The following MAN1A1 variants were observed in gnomAD, a reference collection of about 807,000 sequenced individuals.
MAN1A1 encodes mannosyl-oligosaccharide 1,2-alpha-mannosidase IA.
A neutral mutation model predicts 70.8 loss-of-function variants in MAN1A1; 29 were observed. The ratio of observed to expected loss-of-function variants is 0.41; its 90% CI spans 0.31 to 0.56. The LOEUF is 0.56. Ranked by LOEUF, MAN1A1 falls within the 20% of genes least tolerant of loss-of-function variation. The pLI, the probability that MAN1A1 is intolerant of heterozygous loss-of-function variation, is 0.29. For missense variants in MAN1A1, 747 were observed against 841.3 expected, an observed-to-expected ratio of 0.89 and a Z score of 1.39; for synonymous variants, 349 against 330.1, an observed-to-expected ratio of 1.06 and a Z score of -0.62.
intron 2 of MAN1A1, among the ~76,000 whole-genome samples, chr6:119,336,614 T>C (rs1436111660): frequency 6.6e-6 from 1 of 152,176 alleles, no homozygotes; most frequent in East Asian, 1.9e-4. Flanking sequence ...GGAGAAACAA[T>C]ATGAAATTGG....
intron 11 of MAN1A1, among the ~76,000 whole-genome samples, chr6:119,181,782 T>C (rs1354899474): frequency 6.6e-6 from 1 of 152,218 alleles, no homozygotes; most frequent in Non-Finnish European, 1.5e-5. Context: ...TACTGGAAGG[T>C]GTACAGTGTG....
chr6:119,289,447 T>G (rs1353588767), intron 5 of MAN1A1, among the ~76,000 whole-genome samples: 1 of 145,016 alleles, frequency 6.9e-6, no homozygotes, highest in Non-Finnish European at 1.5e-5. Context: ...AATATAGGGT[T>G]TTAGGGTTTT....
At chr6:119,267,468 G>GC (rs1263819588) in intron 5 of MAN1A1, among the ~76,000 whole-genome samples, 1 of 152,148 alleles carries the variant, frequency 6.6e-6, no homozygotes, top group Non-Finnish European at 1.5e-5. Flanking sequence ...ATTCCACTAA[G>GC]CTTGACTTTC....
At position 119,329,319 on chromosome 6, in the gene MAN1A1, GAAGACAA is replaced by G. The variant is rs71694976; in HGVS notation, c.603+19137_603+19143del. On this transcript the variant is annotated intron_variant, in intron 2 of 12. Coordinates refer to ENST00000368468, the MANE Select transcript of MAN1A1 (RefSeq NM_005907.4). ...AGGAAAGAATAAAGCATGTATGACTGAAGACAAAAGACTAAGTAGCCCAGAGTAAGAA... is the reference window on the plus strand; with the variant it reads ...AGGAAAGAATAAAGCATGTATGACTGAAGACTAAGTAGCCCAGAGTAAGAA... Among the ~76,000 whole-genome samples, 1,460 of 152,284 alleles carry G rather than the reference GAAGACAA, an allele frequency of 9.6e-3. 17 individuals carry two copies. Among genetic ancestry groups the G allele is most frequent in the African/African-American group, 0.033 (1,388 of 41,538 alleles).
At chr6:119,187,010 C>T (rs1049118421) in intron 11 of MAN1A1, among the ~76,000 whole-genome samples, 17 of 152,128 alleles carry the variant, frequency 1.1e-4, no homozygotes, top group Admixed American at 7.9e-4. Context: ...AACACATAAA[C>T]CAACCTTATG....
At chr6:119,203,746 A>G (rs1349039819) in intron 7 of MAN1A1, among the ~76,000 whole-genome samples, 1 of 152,126 alleles carries the variant, frequency 6.6e-6, no homozygotes, top group Non-Finnish European at 1.5e-5. Context: ...CAAAGACTGG[A>G]GAAGCACGTC....
chr6:119,327,547 G>T (rs1483615855), intron 2 of MAN1A1, among the ~76,000 whole-genome samples: 2 of 151,918 alleles, frequency 1.3e-5, no homozygotes, highest in African/African-American at 2.4e-5. Flanking sequence ...GCACCACCAT[G>T]TCTGGCTAAT....
intron 7 of MAN1A1, among the ~76,000 whole-genome samples, chr6:119,202,577 A>G (rs1463286672): frequency 6.6e-6 from 1 of 152,208 alleles, no homozygotes; most frequent in Admixed American, 6.5e-5. Flanking sequence ...ACATAATTAT[A>G]TGTGCTATAC....
chr6:119,229,564 G>A (rs1774618609), intron 6 of MAN1A1, among the ~76,000 whole-genome samples: 1 of 152,130 alleles, frequency 6.6e-6, no homozygotes, highest in South Asian at 2.1e-4. Context: ...TTTCACAAAT[G>A]CAGTTGAGCT....
intron 6 of MAN1A1, among the ~76,000 whole-genome samples, chr6:119,210,444 T>C (rs17588230): frequency 0.1 from 15,622 of 152,250 alleles, 982 homozygotes; most frequent in Non-Finnish European, 0.14. Context: ...AAATCAGTCC[T>C]ACATGCTGCT....
intron 4 of MAN1A1, among the ~76,000 whole-genome samples, chr6:119,301,231 T>C (rs1489416479): frequency 4.6e-5 from 7 of 152,230 alleles, no homozygotes; most frequent in Non-Finnish European, 8.8e-5. Flanking sequence ...AAAACTTCCA[T>C]GGCCTACATG....
In MAN1A1 at chr6:119,189,864, A is replaced by G; in HGVS notation, c.1346T>C (p.Ile449Thr). Residue 449 changes from isoleucine (I) to threonine (T), a missense_variant, in exon 10 of 13, where the codon ATC becomes ACC. By Grantham distance (89) the Ile-to-Thr change is moderately conservative. Transcript: ENST00000368468. Reference protein sequence around the residue: ...DAVQAIETHLIRKSSSGLTYI... With the variant: ...DAVQAIETHLTRKSSSGLTYI... ...AGTTAGTCCGCTGCTAGACTTGCGG[A>G]TCAAATGAGTCTCGATAGCCTGTGA... The G allele has an allele frequency of 3.1e-6, 5 of 1,614,026 alleles. No individual in the cohort carries two copies. The highest frequency in any genetic ancestry group is 4.2e-6 in the Non-Finnish European group (5 of 1,179,918).
chr6:119,255,274 G>A (rs757080887), intron 5 of MAN1A1, among the ~76,000 whole-genome samples: 4 of 152,148 alleles, frequency 2.6e-5, no homozygotes, highest in Non-Finnish European at 5.9e-5. Context: ...TGCTCATGTT[G>A]AAAACTTCAC....
At chr6:119,280,587 C>T (rs1057175064) in intron 5 of MAN1A1, among the ~76,000 whole-genome samples, 7 of 152,046 alleles carry the variant, frequency 4.6e-5, no homozygotes, top group Non-Finnish European at 1.0e-4. Flanking sequence ...TTCTGCTAGC[C>T]CTATTAAATT....
At chr6:119,341,112 G>A (rs574684995) in intron 2 of MAN1A1, among the ~76,000 whole-genome samples, 1 of 152,218 alleles carries the variant, frequency 6.6e-6, no homozygotes, top group South Asian at 2.1e-4. Context: ...AGAAATGAGG[G>A]CTGTGACTTT....
At chr6:119,308,783 T>C (rs1223340664) in intron 2 of MAN1A1, among the ~76,000 whole-genome samples, 1 of 152,206 alleles carries the variant, frequency 6.6e-6, no homozygotes, top group Admixed American at 6.5e-5. Context: ...ATTTAGTAAA[T>C]TCTTCATTCC....
At position 119,285,679 on chromosome 6, in the gene MAN1A1, G is replaced by T. The variant is rs1222540564; in HGVS notation, c.897+5004C>A. Among the ~76,000 whole-genome samples the T allele has an allele frequency of 2.7e-5, 4 of 150,850 alleles. No homozygotes were observed. In the East Asian group the frequency reaches 7.8e-4, roughly 29 times the overall value. The stretch of plus-strand genomic sequence containing the variant: ...CTGGATTTAAATCTACCTAATTAGA[G>T]ATCATAATTAAAGTTCTTTCCATAT... On this transcript the variant is annotated intron_variant, in intron 5 of 12. Coordinates refer to ENST00000368468, the MANE Select transcript of MAN1A1 (RefSeq NM_005907.4).
In MAN1A1 at chr6:119,262,468, AT is replaced by A. The variant is rs1470640855; in HGVS notation, c.898-14115del. ...GCTATTATAAAAAGTAAAAAAAAAA[AT>A]AAATAAATAACAGAAGCTGGTGGGG... On this transcript the variant is annotated intron_variant, in intron 5 of 12. Transcript: ENST00000368468. Among the ~76,000 whole-genome samples, 3 of 151,934 alleles carry A rather than the reference AT, an allele frequency of 2.0e-5. No homozygotes were observed. In the East Asian group the frequency reaches 5.8e-4, roughly 29 times the overall value.
chr6:119,209,653 G>A (rs927177682), intron 6 of MAN1A1, among the ~76,000 whole-genome samples: 1 of 152,180 alleles, frequency 6.6e-6, no homozygotes, highest in Non-Finnish European at 1.5e-5. Context: ...TATTCTCAAA[G>A]TGAATTGATT....
Sources: gnomAD v4.1 joint callset for allele counts (sites outside exome capture counted in the v4.1 genomes callset) on GRCh38, gnomAD v4.1.1 for gene constraint, MANE v1.5 for transcripts, NCBI Gene and HGNC (gene_info 2026-07-23, HGNC 2026-07-21) for gene names.